Variants in XIRP2 observed in about 807,000 individuals in gnomAD.
XIRP2 encodes the protein xin actin binding repeat containing 2.
A neutral mutation model predicts 277.0 loss-of-function variants in XIRP2; 236 were observed. That is an observed-to-expected ratio of 0.85 (90% CI 0.77 to 0.95). The LOEUF (loss-of-function observed/expected upper bound fraction) is 0.95. XIRP2 is among the 40% of genes least tolerant of loss of function. The pLI is 0.00. For missense variants in XIRP2, 4,640 were observed against 4,157.5 expected, an observed-to-expected ratio of 1.12 and a Z score of -3.19; for synonymous variants, 1,490 against 1,416.5, an observed-to-expected ratio of 1.05 and a Z score of -1.17.
chr2:167,142,128 T>G (rs1400537136), intron 3 of XIRP2, among the ~76,000 whole-genome samples: 1 of 152,190 alleles, frequency 6.6e-6, no homozygotes, highest in Non-Finnish European at 1.5e-5. Flanking sequence ...TCTGATATTG[T>G]TCTATTCTGT....
chr2:167,078,295 T>C (rs1415504926), intron 2 of XIRP2, among the ~76,000 whole-genome samples: 2 of 152,200 alleles, frequency 1.3e-5, no homozygotes, highest in African/African-American at 4.8e-5. Context: ...TTTTGGTGTA[T>C]AGAAATGCTG....
intron 2 of XIRP2, among the ~76,000 whole-genome samples, chr2:167,112,640 TAG>T (rs1192061004): frequency 6.8e-6 from 1 of 146,004 alleles, no homozygotes; most frequent in Non-Finnish European, 1.5e-5. Flanking sequence ...TGTATATATA[TAG>T]AGAGAGATTT....
At chr2:166,950,912 T>G (rs1686010758) in intron 2 of XIRP2, among the ~76,000 whole-genome samples, 1 of 152,022 alleles carries the variant, frequency 6.6e-6, no homozygotes, top group African/African-American at 2.4e-5. Context: ...ATTATATACA[T>G]TCACAGCACA....
chr2:167,088,321 C>T (rs983599827), intron 2 of XIRP2, among the ~76,000 whole-genome samples: 9 of 152,024 alleles, frequency 5.9e-5, no homozygotes, highest in Admixed American at 3.9e-4. Flanking sequence ...TCCACTTGAG[C>T]CTCACATTCT....
intron 1 of XIRP2, among the ~76,000 whole-genome samples, chr2:166,892,967 T>C (rs1262702167): frequency 2.8e-5 from 4 of 141,832 alleles, no homozygotes; most frequent in Non-Finnish European, 4.6e-5. Flanking sequence ...TATATACATA[T>C]ATATATATGT....
At chr2:167,199,930 T>C (rs183732051) in intron 3 of XIRP2, among the ~76,000 whole-genome samples, 36 of 152,158 alleles carry the variant, frequency 2.4e-4, no homozygotes, top group African/African-American at 8.2e-4. Flanking sequence ...ATTAGAAAAT[T>C]AGGGTCAGAA....
intron 3 of XIRP2, among the ~76,000 whole-genome samples, chr2:167,169,379 A>G (rs952379757): frequency 6.6e-6 from 1 of 152,224 alleles, no homozygotes; most frequent in Non-Finnish European, 1.5e-5. Flanking sequence ...AGAGTAGTCC[A>G]CACTGGACCT....
At chr2:167,081,202 A>G (rs959283880) in intron 2 of XIRP2, among the ~76,000 whole-genome samples, 9 of 152,204 alleles carry the variant, frequency 5.9e-5, no homozygotes, top group African/African-American at 2.2e-4. Context: ...ACAGTGTCTC[A>G]TGCCTATAAT....
At chr2:166,936,278 A>C (rs1036356024) in intron 2 of XIRP2, among the ~76,000 whole-genome samples, 2 of 152,010 alleles carry the variant, frequency 1.3e-5, no homozygotes, top group Admixed American at 6.6e-5. Flanking sequence ...TTTCTTGTAA[A>C]TTTGTTTGAG....
chr2:166,972,603 A>G (rs925749638), intron 2 of XIRP2, among the ~76,000 whole-genome samples: 3 of 152,202 alleles, frequency 2.0e-5, no homozygotes, highest in African/African-American at 7.2e-5. Flanking sequence ...ATAAAGTTTT[A>G]TTAAGAACAA....
chr2:167,202,510 A>G (rs908607566), intron 3 of XIRP2, among the ~76,000 whole-genome samples: 28 of 152,314 alleles, frequency 1.8e-4, no homozygotes, highest in African/African-American at 4.8e-4. Flanking sequence ...ATCTAAATGG[A>G]CACTTAGAGT....
chr2:167,207,095 A>G (rs889635943), intron 3 of XIRP2, among the ~76,000 whole-genome samples: 2 of 152,152 alleles, frequency 1.3e-5, no homozygotes, highest in Non-Finnish European at 2.9e-5. Flanking sequence ...AAATTTTAGG[A>G]TCATATTTAT....
intron 1 of XIRP2, among the ~76,000 whole-genome samples, chr2:166,892,198 T>A (rs190467532): frequency 6.6e-6 from 1 of 152,304 alleles, no homozygotes; most frequent in East Asian, 1.9e-4. Flanking sequence ...TATTCTCAAA[T>A]TGGCACAGGC....
intron 2 of XIRP2, among the ~76,000 whole-genome samples, chr2:167,019,521 A>G (rs968429224): frequency 3.3e-5 from 5 of 152,056 alleles, no homozygotes; most frequent in African/African-American, 9.7e-5. Flanking sequence ...TTTTGTCTTT[A>G]CTAAAGAAGA....
intron 3 of XIRP2, among the ~76,000 whole-genome samples, chr2:167,200,492 A>T (rs1471012753): frequency 6.6e-6 from 1 of 152,196 alleles, no homozygotes; most frequent in Non-Finnish European, 1.5e-5. Flanking sequence ...TGCTAGAGTG[A>T]TTTTCATGAA....
chr2:167,184,810 G>A (rs148406281), intron 3 of XIRP2, among the ~76,000 whole-genome samples: 1 of 152,210 alleles, frequency 6.6e-6, no homozygotes, highest in Non-Finnish European at 1.5e-5. Context: ...AAGAACTTAA[G>A]TAAGTTTCAG....
At chr2:166,997,706 A>G (rs1307912442) in intron 2 of XIRP2, among the ~76,000 whole-genome samples, 1 of 152,096 alleles carries the variant, frequency 6.6e-6, no homozygotes, top group Non-Finnish European at 1.5e-5. Flanking sequence ...AGAGCTCAAG[A>G]CCATCCTGGC....
intron 2 of XIRP2, among the ~76,000 whole-genome samples, chr2:166,994,444 A>T (rs1193173402): frequency 5.9e-5 from 8 of 134,678 alleles, no homozygotes; most frequent in African/African-American, 2.0e-4. Flanking sequence ...AACCTGCACA[A>T]TGTGCACATG....
chr2:167,087,489 T>A (rs1344151225), intron 2 of XIRP2, among the ~76,000 whole-genome samples: 2 of 152,260 alleles, frequency 1.3e-5, no homozygotes, highest in Non-Finnish European at 1.5e-5. Flanking sequence ...GCTTCCCGGC[T>A]GCTTTGTTTA....
Sources: gnomAD v4.1 joint callset for allele counts (sites outside exome capture counted in the v4.1 genomes callset) on GRCh38, gnomAD v4.1.1 for gene constraint, MANE v1.5 for transcripts, NCBI Gene and HGNC (gene_info 2026-07-23, HGNC 2026-07-21) for gene names.